Variants in SGMS1 observed in about 807,000 individuals in gnomAD.
SGMS1 encodes the protein phosphatidylcholine:ceramide cholinephosphotransferase 1.
SGMS1 carries 13 observed loss-of-function variants against 46.2 expected under a neutral mutation model. That is an observed-to-expected ratio of 0.28 (90% confidence interval 0.18 to 0.45). The LOEUF (loss-of-function observed/expected upper bound fraction) is 0.45, where lower values mean the gene tolerates loss of function less well. Among genes scored for constraint, SGMS1 ranks in the 20% least tolerant of loss-of-function variants. SGMS1 has a pLI of 1.00. For missense variants in SGMS1, 324 were observed against 519.9 expected, an observed-to-expected ratio of 0.62 and a Z score of 3.66; for synonymous variants, 203 against 187.8, an observed-to-expected ratio of 1.08 and a Z score of -0.66.
chr10:50,573,120 G>A (rs117799503), intron 2 of SGMS1, among the ~76,000 whole-genome samples: 1 of 152,110 alleles, frequency 6.6e-6, no homozygotes, highest in Non-Finnish European at 1.5e-5. Flanking sequence ...AAAGCCCATA[G>A]CTAACATCAT....
chr10:50,567,301 T>C (rs1838297362), intron 2 of SGMS1, among the ~76,000 whole-genome samples: 1 of 152,188 alleles, frequency 6.6e-6, no homozygotes, highest in South Asian at 2.1e-4. Context: ...TTCCCCTGAA[T>C]ATTTTCAACC....
chr10:50,582,714 A>C (rs1838446078), intron 2 of SGMS1, among the ~76,000 whole-genome samples: 1 of 152,210 alleles, frequency 6.6e-6, no homozygotes, highest in South Asian at 2.1e-4. Context: ...TGGGAAGCTA[A>C]AGACCAACGT....
chr10:50,383,496 C>T (rs1031660175), intron 6 of SGMS1, among the ~76,000 whole-genome samples: 5 of 152,014 alleles, frequency 3.3e-5, no homozygotes, highest in Admixed American at 1.3e-4. Context: ...GTATAAGCAT[C>T]GCTTGTACAG....
At chr10:50,518,899 G>A (rs1837833000) in intron 3 of SGMS1, among the ~76,000 whole-genome samples, 1 of 152,114 alleles carries the variant, frequency 6.6e-6, no homozygotes, top group African/African-American at 2.4e-5. Flanking sequence ...TATTAATCAG[G>A]AAAATGCAAA....
At chr10:50,536,031 T>C (rs766689572) in intron 2 of SGMS1, among the ~76,000 whole-genome samples, 2 of 152,110 alleles carry the variant, frequency 1.3e-5, no homozygotes, top group Non-Finnish European at 2.9e-5. Context: ...ATCCACTCCT[T>C]GTAATCAAAA....
intron 2 of SGMS1, among the ~76,000 whole-genome samples, chr10:50,566,633 T>C (rs533410974): frequency 3.3e-5 from 5 of 152,280 alleles, no homozygotes; most frequent in South Asian, 2.1e-4. Flanking sequence ...CAACTAGAAA[T>C]TCTGTAATTA....
intron 3 of SGMS1, among the ~76,000 whole-genome samples, chr10:50,485,560 T>C (rs1302120884): frequency 6.6e-6 from 1 of 152,132 alleles, no homozygotes; most frequent in Non-Finnish European, 1.5e-5. Context: ...AAAATTCATA[T>C]AGAACAAAAA....
chr10:50,513,771 A>T (rs1205162509), intron 3 of SGMS1, among the ~76,000 whole-genome samples: 2 of 152,198 alleles, frequency 1.3e-5, no homozygotes, highest in East Asian at 1.9e-4. Context: ...AACATTTTTT[A>T]AAAATATAAG....
At chr10:50,309,742 T>C (rs908323976) in intron 9 of SGMS1, among the ~76,000 whole-genome samples, 2 of 152,198 alleles carry the variant, frequency 1.3e-5, no homozygotes, top group Non-Finnish European at 2.9e-5. Flanking sequence ...TGCCCTGAAG[T>C]GCATCTCTCT....
At chr10:50,517,037 A>G (rs1341130134) in intron 3 of SGMS1, among the ~76,000 whole-genome samples, 1 of 152,202 alleles carries the variant, frequency 6.6e-6, no homozygotes, top group Non-Finnish European at 1.5e-5. Flanking sequence ...GAGAAAGCCC[A>G]GCTTTAAACC....
intron 8 of SGMS1, among the ~76,000 whole-genome samples, chr10:50,318,727 C>T (rs1359446081): frequency 6.6e-6 from 1 of 152,164 alleles, no homozygotes; most frequent in African/African-American, 2.4e-5. Flanking sequence ...AGATTTTACT[C>T]CTCTTAGAAT....
chr10:50,428,444 C>G (rs1231633290), intron 6 of SGMS1, among the ~76,000 whole-genome samples: 2 of 152,098 alleles, frequency 1.3e-5, no homozygotes, highest in Non-Finnish European at 2.9e-5. Flanking sequence ...ATAATCCTTT[C>G]ACAGGGATGG....
At chr10:50,437,508 T>C (rs970452196) in intron 5 of SGMS1, among the ~76,000 whole-genome samples, 2 of 152,138 alleles carry the variant, frequency 1.3e-5, no homozygotes, top group African/African-American at 2.4e-5. Flanking sequence ...TTAACCACTA[T>C]ACTACACTGT....
At chr10:50,518,061 G>A (rs1438228510) in intron 3 of SGMS1, among the ~76,000 whole-genome samples, 1 of 152,168 alleles carries the variant, frequency 6.6e-6, no homozygotes, top group Non-Finnish European at 1.5e-5. Context: ...GAAATGATAA[G>A]CATGTACAGT....
chr10:50,311,176 T>C, intron 9 of SGMS1, 86 bp downstream of exon 9: 1 of 1,511,500 alleles, frequency 6.6e-7, no homozygotes, highest in Non-Finnish European at 9.0e-7. Context: ...TTCAGCAGAT[T>C]TTCCAGAAAA....
At chr10:50,468,221 T>C (rs1837348005) in intron 3 of SGMS1, among the ~76,000 whole-genome samples, 1 of 152,220 alleles carries the variant, frequency 6.6e-6, no homozygotes, top group Admixed American at 6.5e-5. Flanking sequence ...ATATGGTGTC[T>C]GATGTAAACA....
chr10:50,485,590 A>G (rs1201594522), intron 3 of SGMS1, among the ~76,000 whole-genome samples: 1 of 152,200 alleles, frequency 6.6e-6, no homozygotes, highest in Non-Finnish European at 1.5e-5. Flanking sequence ...TATAGCCAAG[A>G]CAACCCTAAG....
intron 3 of SGMS1, among the ~76,000 whole-genome samples, chr10:50,510,251 A>G (rs572373477): frequency 6.6e-6 from 1 of 152,330 alleles, no homozygotes; most frequent in African/African-American, 2.4e-5. Context: ...ACAGTATTCC[A>G]TTAATAGGCA....
intron 3 of SGMS1, among the ~76,000 whole-genome samples, chr10:50,499,896 C>T (rs999405861): frequency 5.9e-5 from 9 of 152,146 alleles, no homozygotes; most frequent in Non-Finnish European, 1.3e-4. Context: ...CAGCCTGGCG[C>T]AGTGGCTCAC....
Sources: allele counts gnomAD v4.1 joint callset (sites outside exome capture counted in the v4.1 genomes callset), GRCh38; gene constraint gnomAD v4.1.1; transcripts MANE v1.5; gene names NCBI Gene and HGNC (gene_info 2026-07-23, HGNC 2026-07-21).